Variants in LINGO2 observed in about 807,000 individuals in gnomAD.
LINGO2 encodes the protein leucine-rich repeat and immunoglobulin-like domain-containing nogo receptor-interacting protein 2.
In LINGO2, 14 loss-of-function variants were observed where a neutral mutation model predicts 30.6. The ratio of observed to expected loss-of-function variants is 0.46; its 90% CI spans 0.30 to 0.72. The LOEUF (loss-of-function observed/expected upper bound fraction) is 0.72. LINGO2 is among the 30% of genes least tolerant of loss of function. The pLI is 0.07. For missense variants in LINGO2, 729 were observed against 751.7 expected (o/e 0.97, Z 0.35); for synonymous variants, 317 against 288.5 (o/e 1.10, Z -1.00).
rs57938536 is a variant in LINGO2, at chr9:28,465,296, T to C, written c.-279+10644A>G. ...AGTGGCTCTCAGTAGGATGGAAAGC[T>C]GGCAAGGGGATAAAGTGGGAAGGCG... On this transcript the variant is annotated intron_variant, in intron 2 of 5. Transcript: ENST00000379992. Among the ~76,000 whole-genome samples the C allele has an allele frequency of 1.1e-3, 172 of 152,230 alleles. 1 individual carries two copies. The highest frequency in any genetic ancestry group is 3.9e-3 in the African/African-American group (161 of 41,556).
At chr9:28,989,822 T>A in the LINGO2 span, among the ~76,000 whole-genome samples, 11 of 152,272 alleles carry the variant, frequency 7.2e-5, no homozygotes, top group Non-Finnish European at 1.6e-4. Context: ...TATGTAAATG[T>A]TTGCACATAA....
intron 4 of LINGO2, among the ~76,000 whole-genome samples, chr9:28,050,015 G>A (rs1824598654): frequency 6.6e-6 from 1 of 150,780 alleles, no homozygotes. Flanking sequence ...GACAGTGAAG[G>A]CTGAAGCAGG....
chr9:28,707,093 T>C, the LINGO2 span, among the ~76,000 whole-genome samples: 2 of 152,232 alleles, frequency 1.3e-5, no homozygotes, highest in Admixed American at 6.6e-5. Flanking sequence ...TGATTTGCTA[T>C]GAAAAATTCA....
At chr9:28,574,305 CAGGTAAACAGTTTTCATCAGATCCT>C (rs1397113319) in intron 1 of LINGO2, among the ~76,000 whole-genome samples, 1 of 152,162 alleles carries the variant, frequency 6.6e-6, no homozygotes, top group African/African-American at 2.4e-5. Context: ...GATCTGAAAA[CAGGTAAACAGTTTTCATCAGATCCT>C]GAAGGGAATT....
intron 4 of LINGO2, among the ~76,000 whole-genome samples, chr9:28,060,263 A>G (rs1305928914): frequency 6.6e-6 from 1 of 152,140 alleles, no homozygotes. Context: ...GAATGCAAGA[A>G]TATCTTCAAA....
At position 28,581,348 on chromosome 9, in the gene LINGO2, C is replaced by T. The variant is rs375459055; in HGVS notation, c.-365+88852G>A. ...CAAAGGTAAAAATTTATAGGAGAAACTTGAATACCTGCAGTTACACAATGA... is the reference window on the plus strand; with the variant it reads ...CAAAGGTAAAAATTTATAGGAGAAATTTGAATACCTGCAGTTACACAATGA... On this transcript the variant is annotated intron_variant, in intron 1 of 5. Coordinates refer to ENST00000379992, the Ensembl canonical transcript of LINGO2. Among the ~76,000 whole-genome samples, 22 of 151,854 alleles carry T rather than the reference C, an allele frequency of 1.4e-4. No individual in the cohort carries two copies. The South Asian group carries it at 4.6e-3, about 32-fold the overall frequency.
chr9:28,743,093 TG>T, the LINGO2 span, among the ~76,000 whole-genome samples: 1 of 152,040 alleles, frequency 6.6e-6, no homozygotes. Flanking sequence ...AGTATTTTTT[TG>T]TAAGGCAAGT....
rs763316343 is a variant in LINGO2 at position 28,355,269 on chromosome 9, C to CTG, written c.-246+17566_-246+17567insCA. Among the ~76,000 whole-genome samples the CTG allele has an allele frequency of 2.0e-4, 25 of 122,724 alleles. 1 individual carries two copies. The highest frequency in any genetic ancestry group is 3.2e-4 in the Non-Finnish European group (17 of 53,920). 80.5% of individuals were successfully genotyped at this position (122,724 alleles called of 152,430 possible). A position where few individuals can be genotyped will look rare whatever the true frequency, so the allele number is the denominator to read the frequency against. On this transcript the variant is annotated intron_variant, in intron 3 of 5. Coordinates refer to ENST00000379992, the Ensembl canonical transcript of LINGO2. ...TCTCTCTCTCTGTCTCTGTCTCTCT[C>CTG]TCTGTCTCTGTCTCTCTCTCTCTCT...
chr9:28,341,900 A>G (rs930244478), intron 3 of LINGO2, among the ~76,000 whole-genome samples: 6 of 152,088 alleles, frequency 3.9e-5, no homozygotes, highest in Non-Finnish European at 8.8e-5. Context: ...CTAACTTCAG[A>G]TTCTCTCTGT....
chr9:28,207,185 T>C (rs1393378157), intron 4 of LINGO2, among the ~76,000 whole-genome samples: 4 of 152,134 alleles, frequency 2.6e-5, no homozygotes, highest in Admixed American at 2.6e-4. Context: ...ATATCATCTG[T>C]AAATAATTGC....
chr9:28,408,773 A>C (rs13290098), intron 2 of LINGO2, among the ~76,000 whole-genome samples: 1 of 69,424 alleles, frequency 1.4e-5, no homozygotes, highest in African/African-American at 3.4e-5. Flanking sequence ...GTATAAAAAA[A>C]CAAAAAAAAA....
intron 1 of LINGO2, among the ~76,000 whole-genome samples, chr9:28,572,253 C>T (rs1325959406): frequency 6.6e-6 from 1 of 152,048 alleles, no homozygotes; most frequent in Non-Finnish European, 1.5e-5. Context: ...TGACTTAACA[C>T]TATCCTTGGA....
chr9:28,977,663 G>C, the LINGO2 span, among the ~76,000 whole-genome samples: 3 of 152,056 alleles, frequency 2.0e-5, no homozygotes, highest in African/African-American at 7.2e-5. Context: ...ATACATCACT[G>C]TATACATACA....
chr9:28,709,743 T>C, the LINGO2 span, among the ~76,000 whole-genome samples: 2 of 151,798 alleles, frequency 1.3e-5, no homozygotes, highest in African/African-American at 4.8e-5. Flanking sequence ...TATATATGTA[T>C]ACTAATAATA....
chr9:28,053,190 T>A (rs1167224591), intron 4 of LINGO2, among the ~76,000 whole-genome samples: 1 of 152,054 alleles, frequency 6.6e-6, no homozygotes, highest in African/African-American at 2.4e-5. Flanking sequence ...AGGTGATATC[T>A]ATACAGGCCA....
chr9:28,669,240 T>C (rs1431973706), intron 1 of LINGO2, among the ~76,000 whole-genome samples: 3 of 152,162 alleles, frequency 2.0e-5, no homozygotes, highest in Non-Finnish European at 4.4e-5. Context: ...CCCTGCTTCC[T>C]GGCTGTTATT....
intron 3 of LINGO2, among the ~76,000 whole-genome samples, chr9:28,346,356 C>T (rs966853380): frequency 6.6e-6 from 1 of 152,134 alleles, no homozygotes; most frequent in Non-Finnish European, 1.5e-5. Context: ...CATCCATGTT[C>T]CCACAAAGGA....
chr9:29,205,753 A>C, the LINGO2 span, among the ~76,000 whole-genome samples: 1 of 152,210 alleles, frequency 6.6e-6, no homozygotes, highest in South Asian at 2.1e-4. Flanking sequence ...TTCAAACACC[A>C]TGAAATTTAC....
At chr9:28,575,396 C>A (rs545105307) in intron 1 of LINGO2, among the ~76,000 whole-genome samples, 62 of 141,166 alleles carry the variant, frequency 4.4e-4, no homozygotes, top group Admixed American at 4.9e-4. Flanking sequence ...GACTCCGTCT[C>A]AAAAAAAAAA....
Sources: allele counts gnomAD v4.1 joint callset (sites outside exome capture counted in the v4.1 genomes callset), GRCh38; gene constraint gnomAD v4.1.1; transcripts MANE v1.5; gene names NCBI Gene and HGNC (gene_info 2026-07-23, HGNC 2026-07-21).